MBD5: variants seen among roughly 807,000 people sequenced by gnomAD.
MBD5 encodes methyl-CpG-binding domain protein 5.
Under a neutral mutation model 117.3 loss-of-function variants are expected in MBD5, and 13 were observed. The ratio of observed to expected loss-of-function variants is 0.11; its 90% CI spans 0.07 to 0.18. The LOEUF is 0.18. Among genes scored for constraint, MBD5 ranks in the 10% least tolerant of loss-of-function variants. The probability of loss-of-function intolerance (pLI) is 1.00; values close to 1 mark genes in which losing one functional copy is unlikely to be tolerated. For missense variants in MBD5, 1,879 were observed against 2,093.8 expected, an observed-to-expected ratio of 0.90 and a Z score of 2.00; for synonymous variants, 727 against 766.4, an observed-to-expected ratio of 0.95 and a Z score of 0.85.
At chr2:148,145,113 T>G (rs189813590) in intron 1 of MBD5, among the ~76,000 whole-genome samples, 1,595 of 148,866 alleles carry the variant, frequency 0.011, 35 homozygotes, top group African/African-American at 0.037. Context: ...TTGTGTCCTC[T>G]TTTATTTCGT....
intron 4 of MBD5, among the ~76,000 whole-genome samples, chr2:148,357,166 C>T (rs1457946115): frequency 6.6e-6 from 1 of 152,190 alleles, no homozygotes; most frequent in Non-Finnish European, 1.5e-5. Flanking sequence ...ACCTACTCTA[C>T]ATGAGACACT....
intron 4 of MBD5, chr2:148,346,958 A>C (rs533783234): frequency 6.6e-6 from 1 of 151,988 alleles, no homozygotes; most frequent in Non-Finnish European, 1.5e-5. Context: ...ATGTACCTCA[A>C]ATCTGGCTTC....
At chr2:148,105,465 C>A (rs371895173) in intron 1 of MBD5, among the ~76,000 whole-genome samples, 1 of 152,006 alleles carries the variant, frequency 6.6e-6, no homozygotes, top group Non-Finnish European at 1.5e-5. Flanking sequence ...GTAATCTGCC[C>A]GGATCGGCCT....
intron 3 of MBD5, among the ~76,000 whole-genome samples, chr2:148,285,471 A>C (rs1701348384): frequency 6.6e-6 from 1 of 152,232 alleles, no homozygotes; most frequent in South Asian, 2.1e-4. Flanking sequence ...AATTGGACTA[A>C]ACTGTTTGAA....
At chr2:148,355,399 T>A (rs1402872080) in intron 4 of MBD5, among the ~76,000 whole-genome samples, 1 of 151,596 alleles carries the variant, frequency 6.6e-6, no homozygotes, top group Non-Finnish European at 1.5e-5. Flanking sequence ...TCTTCTAGGG[T>A]TTTTATAGTT....
rs572880916 is a variant in MBD5 at position 148,343,213 on chromosome 2, A to G, written c.-557+877A>G. Among the ~76,000 whole-genome samples, 8 of 152,106 alleles carry G rather than the reference A, an allele frequency of 5.3e-5. No individual in the cohort carries two copies. In the South Asian group the frequency reaches 1.5e-3, roughly 28 times the overall value. On this transcript the variant is annotated intron_variant, in intron 4 of 13. Transcript: ENST00000642680. ...CTACGTAGATTATGGAATCTTTACT[A>G]TGAAGAATAGTGCTTAATATTGTGA...
intron 4 of MBD5, among the ~76,000 whole-genome samples, chr2:148,449,822 T>C (rs544153657): frequency 6.6e-6 from 1 of 152,220 alleles, no homozygotes; most frequent in East Asian, 1.9e-4. Context: ...GAAACATTAA[T>C]TAGCTCTTCT....
chr2:148,398,867 A>T (rs1574381667), intron 4 of MBD5, among the ~76,000 whole-genome samples: 1 of 152,236 alleles, frequency 6.6e-6, no homozygotes, highest in Non-Finnish European at 1.5e-5. Flanking sequence ...AGCTTTCTAC[A>T]TATGGCTAGC....
In MBD5 at chr2:148,512,985, G is replaced by T. The variant is rs1409935089; in HGVS notation, c.*44G>T. On this transcript the variant is annotated 3_prime_UTR_variant, in exon 14 of 14. Coordinates refer to ENST00000642680, the MANE Select transcript of MBD5 (RefSeq NM_001378120.1). The stretch of plus-strand genomic sequence containing the variant: ...TGCGCAGTGTTTATTAAAGGAACAT[G>T]CACAGATGTATCTGTATATAGGTAT... The T allele has an allele frequency of 6.5e-7, 1 of 1,534,924 alleles. No homozygotes were observed. The highest frequency in any genetic ancestry group is 1.1e-5 in the South Asian group (1 of 89,472).
At chr2:148,368,018 C>T (rs955798902) in intron 4 of MBD5, among the ~76,000 whole-genome samples, 4 of 152,164 alleles carry the variant, frequency 2.6e-5, no homozygotes, top group East Asian at 1.9e-4. Flanking sequence ...TATAAAGACA[C>T]ATGCTCATGT....
intron 2 of MBD5, among the ~76,000 whole-genome samples, chr2:148,214,907 C>T (rs1279688767): frequency 1.3e-5 from 2 of 151,898 alleles, no homozygotes; most frequent in Non-Finnish European, 2.9e-5. Flanking sequence ...GTTATAATAG[C>T]ACATATGAAA....
intron 4 of MBD5, among the ~76,000 whole-genome samples, chr2:148,348,802 C>A (rs1703182880): frequency 6.6e-6 from 1 of 151,816 alleles, no homozygotes; most frequent in Non-Finnish European, 1.5e-5. Flanking sequence ...TTTGGGGAGA[C>A]TTTAGAAGTC....
At chr2:148,418,357 A>T (rs1369585870) in intron 4 of MBD5, among the ~76,000 whole-genome samples, 1 of 152,072 alleles carries the variant, frequency 6.6e-6, no homozygotes, top group African/African-American at 2.4e-5. Context: ...TTCATCATAA[A>T]TTTTTTGCCA....
At chr2:148,487,296 G>A (rs1204405881) in intron 10 of MBD5, among the ~76,000 whole-genome samples, 1 of 152,124 alleles carries the variant, frequency 6.6e-6, no homozygotes, top group Non-Finnish European at 1.5e-5. Context: ...TGAGGAGGGG[G>A]TGTGGGATCC....
chr2:148,472,783 C>T (rs1680837451), intron 8 of MBD5, among the ~76,000 whole-genome samples: 1 of 152,138 alleles, frequency 6.6e-6, no homozygotes, highest in African/African-American at 2.4e-5. Flanking sequence ...ACATTTTATT[C>T]TTAAAATGTT....
chr2:148,272,361 G>T (rs1330377341), intron 3 of MBD5, among the ~76,000 whole-genome samples: 1 of 152,120 alleles, frequency 6.6e-6, no homozygotes, highest in Non-Finnish European at 1.5e-5. Context: ...CTTCCATACT[G>T]TTTTCCATAA....
At chr2:148,479,757 G>A (rs2105042306) in intron 8 of MBD5, among the ~76,000 whole-genome samples, 1 of 150,772 alleles carries the variant, frequency 6.6e-6, no homozygotes, top group South Asian at 2.1e-4. Context: ...CTGCATAGAG[G>A]CCCTTTATAT....
chr2:148,113,024 T>C (rs186953726), intron 1 of MBD5, among the ~76,000 whole-genome samples: 28 of 152,276 alleles, frequency 1.8e-4, no homozygotes, highest in Admixed American at 1.8e-3. Flanking sequence ...TAAATAAATA[T>C]CTCATTAGAC....
At chr2:148,249,624 C>T (rs2106237123) in intron 3 of MBD5, among the ~76,000 whole-genome samples, 1 of 152,202 alleles carries the variant, frequency 6.6e-6, no homozygotes. Flanking sequence ...GGAGAATTAC[C>T]ACTGATAGTT....
Sources: allele counts gnomAD v4.1 joint callset (sites outside exome capture counted in the v4.1 genomes callset), GRCh38; gene constraint gnomAD v4.1.1; transcripts MANE v1.5; gene names NCBI Gene and HGNC (gene_info 2026-07-23, HGNC 2026-07-21).